Variants in PTPRT observed in about 807,000 individuals in gnomAD.
PTPRT encodes protein tyrosine phosphatase receptor type T.
Under a neutral mutation model 176.8 loss-of-function variants are expected in PTPRT, and 56 were observed. That is an observed-to-expected ratio of 0.32 (90% CI 0.26 to 0.40). The LOEUF is 0.40. PTPRT is among the 10% of genes least tolerant of loss of function. The pLI is 1.00. For synonymous variants in PTPRT, 783 were observed against 739.0 expected (o/e 1.06, Z -0.96); for missense variants, 1,540 against 1,908.2 (o/e 0.81, Z 3.60).
At chr20:43,103,067 CCT>C (rs545488651) in intron 1 of PTPRT, among the ~76,000 whole-genome samples, 8 of 152,116 alleles carry the variant, frequency 5.3e-5, no homozygotes, top group Non-Finnish European at 7.3e-5. Context: ...CCAGGAAGCC[CCT>C]GTTTACTACC....
intron 8 of PTPRT, among the ~76,000 whole-genome samples, chr20:42,466,695 T>G (rs2071107499): frequency 6.6e-6 from 1 of 152,104 alleles, no homozygotes; most frequent in Non-Finnish European, 1.5e-5. Flanking sequence ...AGCTCATGAC[T>G]TAAAACAAAA....
chr20:43,016,125 G>T (rs2146164517), intron 1 of PTPRT, among the ~76,000 whole-genome samples: 1 of 152,176 alleles, frequency 6.6e-6, no homozygotes, highest in Middle Eastern at 3.4e-3. Flanking sequence ...GTCCAAGGGG[G>T]TCTACAGATC....
At chr20:42,742,438 G>T (rs1307744127) in intron 6 of PTPRT, among the ~76,000 whole-genome samples, 4 of 152,194 alleles carry the variant, frequency 2.6e-5, no homozygotes, top group African/African-American at 9.7e-5. Flanking sequence ...GAAGTTACTG[G>T]ATGAGGAGAG....
intron 9 of PTPRT, among the ~76,000 whole-genome samples, chr20:42,373,640 A>G (rs889806509): frequency 6.6e-6 from 1 of 152,234 alleles, no homozygotes; most frequent in South Asian, 2.1e-4. Flanking sequence ...ATGGACATAC[A>G]TATAGAGGCG....
At chr20:43,029,020 G>A (rs890489386) in intron 1 of PTPRT, among the ~76,000 whole-genome samples, 1 of 152,190 alleles carries the variant, frequency 6.6e-6, no homozygotes, top group African/African-American at 2.4e-5. Flanking sequence ...GGCAGGAAAA[G>A]AGGAGAGTGG....
chr20:42,298,309 ATG>A (rs1253399337), intron 12 of PTPRT, among the ~76,000 whole-genome samples: 2 of 152,220 alleles, frequency 1.3e-5, no homozygotes, highest in Non-Finnish European at 2.9e-5. Context: ...AATTTCTTAC[ATG>A]TAAGTGTGAC....
At chr20:43,140,178 C>G (rs1220450814) in intron 1 of PTPRT, among the ~76,000 whole-genome samples, 1 of 152,024 alleles carries the variant, frequency 6.6e-6, no homozygotes, top group African/African-American at 2.4e-5. Flanking sequence ...AACCAGAAGA[C>G]AAAATTCTGT....
At chr20:42,268,132 A>G (rs1214542357) in intron 13 of PTPRT, among the ~76,000 whole-genome samples, 2 of 152,136 alleles carry the variant, frequency 1.3e-5, no homozygotes, top group African/African-American at 4.8e-5. Flanking sequence ...ACTCAGACCC[A>G]GGCAGTTATT....
intron 27 of PTPRT, among the ~76,000 whole-genome samples, chr20:42,089,636 C>G (rs1033155076): frequency 6.6e-5 from 10 of 152,124 alleles, no homozygotes; most frequent in African/African-American, 2.4e-4. Context: ...GCAGGCTTTT[C>G]TAATCCTAAA....
intron 7 of PTPRT, among the ~76,000 whole-genome samples, chr20:42,550,221 G>A (rs2072743874): frequency 6.6e-6 from 1 of 152,084 alleles, no homozygotes; most frequent in South Asian, 2.1e-4. Flanking sequence ...GTGACTTTAG[G>A]AAGGACAGTG....
chr20:42,976,428 CAG>C (rs1384416006), intron 1 of PTPRT, among the ~76,000 whole-genome samples: 1 of 150,948 alleles, frequency 6.6e-6, no homozygotes, highest in African/African-American at 2.4e-5. Context: ...TTTATTGAGA[CAG>C]AGTCTCGCTC....
At chr20:43,043,532 T>A (rs1986719073) in intron 1 of PTPRT, among the ~76,000 whole-genome samples, 1 of 152,200 alleles carries the variant, frequency 6.6e-6, no homozygotes, top group Admixed American at 6.5e-5. Context: ...GTTTTACAAA[T>A]GAAGAAATCA....
At chr20:42,893,698 C>T (rs1283145960) in intron 1 of PTPRT, among the ~76,000 whole-genome samples, 14 of 151,946 alleles carry the variant, frequency 9.2e-5, no homozygotes, top group Non-Finnish European at 1.5e-4. Flanking sequence ...ATGATGAGTT[C>T]ATGTCCTTTG....
chr20:43,130,363 G>C (rs980305358), intron 1 of PTPRT, among the ~76,000 whole-genome samples: 4 of 151,992 alleles, frequency 2.6e-5, no homozygotes, highest in African/African-American at 9.7e-5. Flanking sequence ...AGTGCACCAG[G>C]TAGGAGCAGA....
intron 1 of PTPRT, among the ~76,000 whole-genome samples, chr20:42,977,210 T>G (rs1225065654): frequency 1.3e-5 from 2 of 152,200 alleles, no homozygotes; most frequent in African/African-American, 4.8e-5. Flanking sequence ...TGATGGTCTA[T>G]TTGGTACCAC....
chr20:42,865,486 G>C (rs1049801182), intron 2 of PTPRT, among the ~76,000 whole-genome samples: 2 of 152,214 alleles, frequency 1.3e-5, no homozygotes, highest in Non-Finnish European at 2.9e-5. Context: ...TAGGAGCTGA[G>C]GACACATAGC....
chr20:42,535,037 GA>G (rs1252081975), intron 7 of PTPRT, among the ~76,000 whole-genome samples: 2 of 152,150 alleles, frequency 1.3e-5, no homozygotes, highest in African/African-American at 4.8e-5. Flanking sequence ...GAAACAGAGG[GA>G]AAAGGAGGTT....
intron 1 of PTPRT, among the ~76,000 whole-genome samples, chr20:43,109,387 A>C (rs2012763185): frequency 6.6e-6 from 1 of 152,074 alleles, no homozygotes; most frequent in South Asian, 2.1e-4. Context: ...AAACACCTCC[A>C]AGACTCAGGA....
intron 12 of PTPRT, among the ~76,000 whole-genome samples, chr20:42,304,110 C>A (rs898857901): frequency 1.3e-5 from 2 of 152,158 alleles, no homozygotes; most frequent in Non-Finnish European, 2.9e-5. Flanking sequence ...TCCCACTTCT[C>A]CACTTGCCTC....
Sources: allele counts gnomAD v4.1 joint callset (sites outside exome capture counted in the v4.1 genomes callset), GRCh38; gene constraint gnomAD v4.1.1; transcripts MANE v1.5; gene names NCBI Gene and HGNC (gene_info 2026-07-23, HGNC 2026-07-21).